MYO1G: variants seen among roughly 807,000 people sequenced by gnomAD.
The protein encoded by MYO1G is unconventional myosin-Ig.
In MYO1G, 65 loss-of-function variants were observed where a neutral mutation model predicts 115.3. The observed-to-expected ratio is 0.56, with a 90% confidence interval of 0.46 to 0.69. The LOEUF (loss-of-function observed/expected upper bound fraction) is 0.69. MYO1G is among the 30% of genes least tolerant of loss of function. The pLI is 0.00. For synonymous variants in MYO1G, 510 were observed against 552.6 expected (o/e 0.92, Z 1.08); for missense variants, 1,204 against 1,393.5 (o/e 0.86, Z 2.16).
At chr7:44,967,566 G>A (rs1181977297) in intron 14 of MYO1G, 39 bp downstream of exon 14, 2 of 1,612,258 alleles carry the variant, frequency 1.2e-6, no homozygotes, top group South Asian at 2.2e-5. Context: ...CAGAGAGAAG[G>A]ATCCGGAACA....
At position 44,970,647 on chromosome 7, in the gene MYO1G, C is replaced by T; in HGVS notation, c.1162G>A (p.Asp388Asn). ...RGRDPRRDGK[D>N]TVIGVLDIYG... ...ATGTCCAGCACGCCAATGACTGTGT[C>T]CTTGCCATCACGCCGAGGATCCCGG... The change falls in exon 9 of 22, where the codon GAC (aspartate) becomes AAC (asparagine). Residue 388 changes from aspartate (D) to asparagine (N), a missense_variant. Transcript: ENST00000258787. 6.2e-7 allele frequency: 1 copy of T among 1,613,912 alleles called. No homozygotes were observed.
intron 9 of MYO1G, 137 bp downstream of exon 9, chr7:44,970,455 G>A (rs1355555977): frequency 4.4e-6 from 5 of 1,141,304 alleles, no homozygotes; most frequent in Non-Finnish European, 2.5e-6. Flanking sequence ...GGTTTGGGAG[G>A]CATGAGCCTT....
At chr7:44,978,552 C>T (rs1288847420) in intron 1 of MYO1G, among the ~76,000 whole-genome samples, 3 of 152,180 alleles carry the variant, frequency 2.0e-5, no homozygotes, top group African/African-American at 7.2e-5. Flanking sequence ...AGTGTCATGC[C>T]CTGGCCCCGT....
In MYO1G at chr7:44,963,186, C is replaced by T; in HGVS notation, c.2746-62G>A. The T allele has an allele frequency of 7.2e-7, 1 of 1,380,574 alleles. No homozygotes were observed. Among genetic ancestry groups the T allele is most frequent in the Non-Finnish European group, 9.3e-7 (1 of 1,072,888 alleles). The allele number at this position is 1,380,574 out of a possible 1,614,324, so 85.5% of individuals were successfully genotyped here. A position where few individuals can be genotyped will look rare whatever the true frequency, so the allele number is the denominator to read the frequency against. On this transcript the variant is annotated intron_variant, in intron 20 of 21. Coordinates refer to ENST00000258787, the MANE Select transcript of MYO1G (RefSeq NM_033054.3). This position sits in a 1 kb window ranked among gnomAD's most constrained non-coding sequence, Gnocchi z 4.1. ...ACCCGCACCCCAGCCTAGCCGGACT[C>T]ACCCCCTCCCCAGGAAGCCTCTGCC...
Position 44,963,103 on chromosome 7 carries a change from T to G in MYO1G, c.2767A>C (p.Ser923Arg). The change falls in exon 21 of 22, where the codon AGC (serine) becomes CGC (arginine). Residue 923 changes from serine (S) to arginine (R), a missense_variant. Ser to Arg is a moderately radical substitution (Grantham distance 110, BLOSUM62 -1). Transcript: ENST00000258787. The surrounding 1 kb of genome is among the most constrained non-coding windows in gnomAD (Gnocchi z 4.1). ...AGCACCACCAGCTGGTCTCCTCCGCTGGTCACGCTCAGCCCCGTCACCTGA... is the reference window on the plus strand; with the variant it reads ...AGCACCACCAGCTGGTCTCCTCCGCGGGTCACGCTCAGCCCCGTCACCTGA... ...LEAVTGLSVTSGGDQLVVLHA... is the reference protein window; with the variant it reads ...LEAVTGLSVTRGGDQLVVLHA... 6.6e-7 allele frequency: 1 copy of G among 1,511,026 alleles called. No individual in the cohort carries two copies. The highest frequency in any genetic ancestry group is 8.8e-7 in the Non-Finnish European group (1 of 1,135,602). The allele number at this position is 1,511,026 out of a possible 1,614,324, so 93.6% of individuals were successfully genotyped here.
chr7:44,978,585 A>G (rs1456935720), intron 1 of MYO1G, among the ~76,000 whole-genome samples: 3 of 152,246 alleles, frequency 2.0e-5, no homozygotes, highest in African/African-American at 7.2e-5. Flanking sequence ...AAGGGGCAGA[A>G]GATGCCTGGA....
rs1410016931 is a variant in MYO1G, at chr7:44,965,770, C to T, written c.2248G>A (p.Ala750Thr). ...CGCCGCTGCAGCTCAGCCAGGTGAG[C>T]CCGCACCTTGTGTCTCCGGAACCAG... The part of the protein sequence containing the change: ...MRWFRRHKVR[A>T]HLAELQRRFQ... The change falls in exon 17 of 22, where the codon GCT (alanine) becomes ACT (threonine). Residue 750 changes from alanine (A) to threonine (T), a missense_variant. Coordinates refer to ENST00000258787, the MANE Select transcript of MYO1G (RefSeq NM_033054.3). The T allele has an allele frequency of 1.2e-6, 2 of 1,607,878 alleles. 1 individual carries two copies.
chr7:44,964,977 G>T lies in MYO1G; in HGVS notation c.2494C>A (p.Arg832=). The T allele has an allele frequency of 6.2e-7, 1 of 1,603,170 alleles. No homozygotes were observed. Among genetic ancestry groups the T allele is most frequent in the Non-Finnish European group, 8.5e-7 (1 of 1,171,956 alleles). The part of the protein sequence containing the change: ...LQGLRQDWGC[R]RAWARDYLSS... ...AGGTAGTCTCGGGCCCAGGCCCGTCGGCAGCCCCAGTCCTGACGAAGCCCT... is the reference window on the plus strand; with the variant it reads ...AGGTAGTCTCGGGCCCAGGCCCGTCTGCAGCCCCAGTCCTGACGAAGCCCT... Residue 832 remains arginine (R), a synonymous_variant, in exon 18 of 22, where the codon CGA becomes AGA. Coordinates refer to ENST00000258787, the MANE Select transcript of MYO1G (RefSeq NM_033054.3). The surrounding 1 kb of genome is among the most constrained non-coding windows in gnomAD (Gnocchi z 5.1).
In MYO1G at chr7:44,967,714, A is replaced by G. The variant is rs761931000; in HGVS notation, c.1673T>C (p.Met558Thr). Residue 558 changes from methionine to threonine, a missense_variant, in exon 14 of 22, where the codon ATG (methionine) becomes ACG (threonine). By Grantham distance (81) the Met-to-Thr change is moderately conservative (BLOSUM62 -1). Coordinates refer to ENST00000258787, the MANE Select transcript of MYO1G (RefSeq NM_033054.3). ...YNSTDPTLRA[M>T]WPDGQQDITE... is the part of the protein sequence containing the mutation. ...GATGTCCTGCTGCCCGTCCGGCCAC[A>G]TGGCCCGTAGAGTGGGGTCCGTGCT... 6.2e-7 allele frequency: 1 copy of G among 1,613,644 alleles called. No individual in the cohort carries two copies. The highest frequency in any genetic ancestry group is 1.1e-5 in the South Asian group (1 of 91,084).
At position 44,965,723 on chromosome 7, in the gene MYO1G, C is replaced by A. The variant is rs762270960; in HGVS notation, c.2295G>T (p.Pro765=). 6.2e-7 allele frequency: 1 copy of A among 1,611,962 alleles called. No individual in the cohort carries two copies. The highest frequency in any genetic ancestry group is 2.2e-5 in the East Asian group (1 of 44,876). ...LQRRFQAARQ[P]PLYGRDLVWP... ...ACACAAGGTCACGCCCGTAGAGTGG[C>A]GGCTGCCTTGCAGCCTGGAATCGCC... The change falls in exon 17 of 22, where the codon CCG becomes CCT. Residue 765 remains proline, a synonymous_variant. Transcript: ENST00000258787.
At chr7:44,967,820 C>A in intron 13 of MYO1G, 64 bp downstream of exon 13, 1 of 1,612,278 alleles carries the variant, frequency 6.2e-7, no homozygotes, top group Non-Finnish European at 8.5e-7. Context: ...CAATGCCTGA[C>A]CCCAGAGTCT....
Position 44,962,784 on chromosome 7 carries a change from G to A in MYO1G, c.3012C>T (p.Phe1004=), listed in dbSNP as rs778805605. Residue 1004 remains phenylalanine, a synonymous_variant, in exon 22 of 22, where the codon TTC becomes TTT. Transcript: ENST00000258787. The surrounding 1 kb of genome is among the most constrained non-coding windows in gnomAD (Gnocchi z 5.3). ...GGGTGAAGGAGCCGCGAGCGCAGCG[G>A]AAATCGGGCTCTGGCTGCTCCGGCC... ...EPRPEQPEPD[F]RCARGSFTLL... 3 of 1,505,154 alleles carry A rather than the reference G, an allele frequency of 2.0e-6. No individual in the cohort carries two copies. Among genetic ancestry groups the A allele is most frequent in the Admixed American group, 2.2e-5 (1 of 45,836 alleles). 93.2% of individuals were successfully genotyped at this position (1,505,154 alleles called of 1,614,324 possible). A position where few individuals can be genotyped will look rare whatever the true frequency, so the allele number is the denominator to read the frequency against.
chr7:44,969,208 G>A lies in MYO1G; in HGVS notation c.1574+205C>T. On this transcript the variant is annotated intron_variant, in intron 12 of 21. Transcript: ENST00000258787. This position sits in a 1 kb window ranked among gnomAD's most constrained non-coding sequence, Gnocchi z 5.0. ...AGGCTCCCAGAAGAATGCAGCCATGGTTAACCACTATCCTCAAACCCTGTT... is the reference window on the plus strand; with the variant it reads ...AGGCTCCCAGAAGAATGCAGCCATGATTAACCACTATCCTCAAACCCTGTT... 1 of 596,646 alleles carries A rather than the reference G, an allele frequency of 1.7e-6. No homozygotes were observed. Among genetic ancestry groups the A allele is most frequent in the Non-Finnish European group, 3.0e-6 (1 of 329,302 alleles). 37.0% of individuals were successfully genotyped at this position (596,646 alleles called of 1,614,324 possible).
chr7:44,976,937 TG>T lies in MYO1G; in HGVS notation c.229del (p.His77IlefsTer13), dbSNP rs1331766584. ...GGCGGCGTTGGCCACAGCATAGAGATGGGGTGGCCGCTCATAGAGCTCACGG... is the reference window on the plus strand; with the variant it reads ...GGCGGCGTTGGCCACAGCATAGAGATGGGTGGCCGCTCATAGAGCTCACGG... ...QGRELYERPPHLYAVANAAYK... is the reference protein window; with the variant it reads ...QGRELYERPPXLYAVANAAYK... On this transcript the variant is annotated frameshift_variant, in exon 2 of 22. Transcript: ENST00000258787. LOFTEE classifies it high-confidence loss of function. 6.2e-7 allele frequency: 1 copy of T among 1,613,542 alleles called. No individual in the cohort carries two copies.
Position 44,970,851 on chromosome 7 carries a change from C to G in MYO1G, c.1055G>C (p.Arg352Pro), listed in dbSNP as rs768375129. The G allele has an allele frequency of 1.2e-6, 2 of 1,613,628 alleles. No homozygotes were observed. The change falls in exon 8 of 22, where the codon CGG (arginine) becomes CCG (proline). Residue 352 changes from arginine to proline, a missense_variant. Arg to Pro is a moderately radical substitution (Grantham distance 103, BLOSUM62 -2). Transcript: ENST00000258787. ...CCAAAGTACCTTGGCACAGGCATCC[C>G]GGGCATAGCTGGCCTCAGCTGCAGT... ...GHTAAEASYA[R>P]DACAKAVYQR... is the part of the protein sequence containing the mutation.
At chr7:44,977,492 C>T (rs767980947) in intron 1 of MYO1G, among the ~76,000 whole-genome samples, 15 of 152,238 alleles carry the variant, frequency 9.9e-5, no homozygotes, top group East Asian at 1.9e-4. Context: ...GGGGCCTCCT[C>T]GGCTGTTTCC....
intron 9 of MYO1G, 74 bp from the exon 10 acceptor site, chr7:44,970,228 T>C: frequency 9.9e-7 from 1 of 1,013,852 alleles, no homozygotes; most frequent in Non-Finnish European, 1.5e-6. Flanking sequence ...GCTGCTCCCC[T>C]GAACATCTCT....
rs559495382 is a variant in MYO1G at position 44,964,886 on chromosome 7, G to A, written c.2526+59C>T. The A allele has an allele frequency of 6.0e-5, 94 of 1,558,552 alleles. No individual in the cohort carries two copies. The highest frequency in any genetic ancestry group is 3.4e-4 in the African/African-American group (25 of 73,766). ...AGGGGACCTGGTCACAGCATTAGCC[G>A]AGAGCCCTCTTTGGCAGCCCACTTC... On this transcript the variant is annotated intron_variant, in intron 18 of 21. Coordinates refer to ENST00000258787, the MANE Select transcript of MYO1G (RefSeq NM_033054.3). The surrounding 1 kb of genome is among the most constrained non-coding windows in gnomAD (Gnocchi z 5.1).
At position 44,969,882 on chromosome 7, in the gene MYO1G, C is replaced by A. The variant is rs779737804; in HGVS notation, c.1333-7G>T. ...CGTTGTTGAAATACTCAACCTGGGG[C>A]AAAGGCAGCCAGCAAGGAAGCTCCC... On this transcript the variant is annotated splice_polypyrimidine_tract_variant and splice_region_variant and intron_variant, in intron 10 of 21. Coordinates refer to ENST00000258787, the MANE Select transcript of MYO1G (RefSeq NM_033054.3). The surrounding 1 kb of genome is among the most constrained non-coding windows in gnomAD (Gnocchi z 5.0). The A allele has an allele frequency of 3.2e-5, 51 of 1,597,702 alleles. No individual in the cohort carries two copies. Among genetic ancestry groups the A allele is most frequent in the Non-Finnish European group, 4.3e-5 (50 of 1,170,904 alleles).
Sources: gnomAD v4.1 joint callset for allele counts (sites outside exome capture counted in the v4.1 genomes callset) on GRCh38, gnomAD v4.1.1 for gene constraint, Gnocchi (gnomAD v3.1) non-coding constraint, MANE v1.5 for transcripts, NCBI Gene and HGNC (gene_info 2026-07-23, HGNC 2026-07-21) for gene names.